CYP2B6: variants seen among roughly 807,000 people sequenced by gnomAD.
The protein encoded by CYP2B6 is cytochrome P450 2B6.
Under a neutral mutation model 43.4 loss-of-function variants are expected in CYP2B6, and 35 were observed. The ratio of observed to expected loss-of-function variants is 0.81; its 90% confidence interval spans 0.62 to 1.07. The LOEUF (loss-of-function observed/expected upper bound fraction) is 1.07, where lower values mean the gene tolerates loss of function less well. Among genes scored for constraint, CYP2B6 ranks in the 50% least tolerant of loss-of-function variants. CYP2B6 has a pLI of 0.00. For missense variants in CYP2B6, 624 were observed against 632.8 expected (o/e 0.99, Z 0.15); for synonymous variants, 239 against 239.2 (o/e 1.00, Z 0.01).
intron 6 of CYP2B6, among the ~76,000 whole-genome samples, chr19:41,010,445 G>T (rs143260622): frequency 2.1e-5 from 3 of 144,734 alleles, no homozygotes; most frequent in Admixed American, 7.0e-5. Flanking sequence ...ACAGAGTCTC[G>T]CTCTGTCACC....
At chr19:41,008,614 C>G (rs1969231751) in intron 4 of CYP2B6, among the ~76,000 whole-genome samples, 1 of 151,304 alleles carries the variant, frequency 6.6e-6, no homozygotes, top group Admixed American at 6.6e-5. Flanking sequence ...CACCGAGAAC[C>G]ACAGAGAAAA....
rs1361526463 is a variant in CYP2B6, at chr19:40,998,903, A to T, written c.172-5098A>T. Among the ~76,000 whole-genome samples, 48 of 117,128 alleles carry T rather than the reference A, an allele frequency of 4.1e-4. 1 individual carries two copies. The East Asian group carries it at 6.8e-3, about 17-fold the overall frequency. 76.8% of individuals were successfully genotyped at this position (117,128 alleles called of 152,430 possible). A position where few individuals can be genotyped will look rare whatever the true frequency, so the allele number is the denominator to read the frequency against. ...TAAACATACATGTGCATGTGTCTTTATAGCAGCATGATTTATAGTCCTTTG... is the reference window on the plus strand; with the variant it reads ...TAAACATACATGTGCATGTGTCTTTTTAGCAGCATGATTTATAGTCCTTTG... On this transcript the variant is annotated intron_variant, in intron 1 of 8. Coordinates refer to ENST00000324071, the MANE Select transcript of CYP2B6 (RefSeq NM_000767.5).
rs375245235 is a variant in CYP2B6 at position 41,009,306 on chromosome 19, A to C, written c.733A>C (p.Ile245Leu). 1.2e-6 allele frequency: 2 copies of C among 1,612,830 alleles called. No individual in the cohort carries two copies. The highest frequency in any genetic ancestry group is 1.7e-6 in the Non-Finnish European group (2 of 1,179,306). ...AAACCTGCAGGAAATCAATGCTTAC[A>C]TTGGCCACAGTGTGGAGAAGCACCG... ...YKNLQEINAY[I>L]GHSVEKHRET... The change falls in exon 5 of 9, where the codon ATT (isoleucine) becomes CTT (leucine). Residue 245 changes from isoleucine to leucine, a missense_variant. Coordinates refer to ENST00000324071, the MANE Select transcript of CYP2B6 (RefSeq NM_000767.5).
At chr19:40,997,796 T>C (rs1019961507) in intron 1 of CYP2B6, among the ~76,000 whole-genome samples, 3 of 151,982 alleles carry the variant, frequency 2.0e-5, no homozygotes, top group Admixed American at 1.3e-4. Context: ...TTTGGGTGGC[T>C]CACGACACCA....
chr19:41,003,460 T>C (rs1969127611), intron 1 of CYP2B6, among the ~76,000 whole-genome samples: 1 of 152,072 alleles, frequency 6.6e-6, no homozygotes, highest in South Asian at 2.1e-4. Context: ...ATTTCTGGAA[T>C]TTTCCATTTA....
chr19:40,997,411 T>C (rs1406118550), intron 1 of CYP2B6, among the ~76,000 whole-genome samples: 2 of 152,160 alleles, frequency 1.3e-5, no homozygotes, highest in Non-Finnish European at 2.9e-5. Context: ...CCCTCCCATG[T>C]TGACCATACT....
At chr19:40,998,535 C>T (rs1157121941) in intron 1 of CYP2B6, among the ~76,000 whole-genome samples, 1 of 147,650 alleles carries the variant, frequency 6.8e-6, no homozygotes, top group Non-Finnish European at 1.5e-5. Flanking sequence ...AACTCGTCAT[C>T]TAGCATTAGG....
chr19:41,005,702 G>C (rs1338040429), intron 3 of CYP2B6, among the ~76,000 whole-genome samples: 3 of 151,938 alleles, frequency 2.0e-5, no homozygotes. Context: ...AATTGATTGA[G>C]CCTGGGAAAT....
intron 1 of CYP2B6, among the ~76,000 whole-genome samples, chr19:41,001,497 T>C (rs970824107): frequency 2.0e-5 from 3 of 152,164 alleles, no homozygotes; most frequent in African/African-American, 4.8e-5. Context: ...CAGAGGGATG[T>C]GGGCTCGTGT....
rs1024500804 is a variant in CYP2B6, at chr19:41,010,003, A to C, written c.832A>C (p.Asn278His). ...YLLHMEKEKS[N>H]AHSEFSHQNL... ...CCTACTGTGGACGCAGGAGAAATCC[A>C]ACGCACACAGTGAATTCAGCCACCA... is the stretch of plus-strand genomic sequence containing the variant. Residue 278 changes from asparagine to histidine, a missense_variant, in exon 6 of 9, where the codon AAC (asparagine) becomes CAC (histidine). Transcript: ENST00000324071. 1 of 1,613,964 alleles carries C rather than the reference A, an allele frequency of 6.2e-7. No homozygotes were observed.
At chr19:40,998,549 A>G (rs1414690309) in intron 1 of CYP2B6, among the ~76,000 whole-genome samples, 4 of 140,616 alleles carry the variant, frequency 2.8e-5, no homozygotes, top group Non-Finnish European at 6.1e-5. Flanking sequence ...CATTAGGTAT[A>G]TCTCCCAATG....
intron 8 of CYP2B6, among the ~76,000 whole-genome samples, chr19:41,013,244 A>G (rs2144677745): frequency 6.6e-6 from 1 of 152,334 alleles, no homozygotes; most frequent in South Asian, 2.1e-4. Flanking sequence ...ATCTCATGAA[A>G]TGAATGAATG....
At position 41,017,852 on chromosome 19, in the gene CYP2B6, T is replaced by C. The variant is rs562106212; in HGVS notation, c.*1025T>C. 1.8e-3 allele frequency: 202 copies of C among 110,826 alleles called. No individual in the cohort carries two copies. The highest frequency in any genetic ancestry group is 7.8e-3 in the African/African-American group (196 of 25,168). 6.9% of individuals were successfully genotyped at this position (110,826 alleles called of 1,614,324 possible). ...TCCCATAAACAGAATCATACAATAT[T>C]TGATTTTTTTTTTTTTTTTGAAACT... is the stretch of plus-strand genomic sequence containing the variant. On this transcript the variant is annotated 3_prime_UTR_variant, in exon 9 of 9. Coordinates refer to ENST00000324071, the MANE Select transcript of CYP2B6 (RefSeq NM_000767.5).
At chr19:41,011,563 A>G (rs538309273) in intron 6 of CYP2B6, among the ~76,000 whole-genome samples, 203 of 152,306 alleles carry the variant, frequency 1.3e-3, no homozygotes, top group African/African-American at 4.7e-3. Context: ...GTTGTTCATG[A>G]ATTCATCTAT....
At chr19:41,009,547 T>TGAGGAAGGAAAGAAAGATGAGGTGA in intron 5 of CYP2B6, 152 bp downstream of exon 5, 2 of 826,502 alleles carry the variant, frequency 2.4e-6, no homozygotes, top group Non-Finnish European at 3.8e-6. Flanking sequence ...GGAGAGAACA[T>TGAGGAAGGAAAGAAAGATGAGGTGA]GAGGAAGGAA....
At position 41,012,360 on chromosome 19, in the gene CYP2B6, C is replaced by T. The variant is rs201134384; in HGVS notation, c.1027C>T (p.Arg343Ter). ...ACATCGCCCTCCAGAGCTTCATGAC[C>T]GAGCCAAAATGCCATACACAGAGGC... Reference protein sequence around the residue: ...GPHRPPELHDRAKMPYTEAVI... With the variant: ...GPHRPPELHD The change falls in exon 7 of 9, where the codon CGA becomes TGA. Residue 343 changes from arginine (R) to a stop codon, truncating the protein, a stop_gained. Coordinates refer to ENST00000324071, the MANE Select transcript of CYP2B6 (RefSeq NM_000767.5). LOFTEE classifies it high-confidence loss of function. 2.0e-4 allele frequency: 315 copies of T among 1,613,958 alleles called. No homozygotes were observed. The highest frequency in any genetic ancestry group is 2.3e-4 in the Admixed American group (14 of 60,000).
intron 1 of CYP2B6, among the ~76,000 whole-genome samples, chr19:40,998,567 TC>T (rs997905816): frequency 9.4e-6 from 1 of 106,472 alleles, no homozygotes; most frequent in Non-Finnish European, 1.9e-5. Flanking sequence ...ATGCTATCCC[TC>T]CCCCCTCCCC....
chr19:40,993,002 G>A (rs1968944670), intron 1 of CYP2B6, among the ~76,000 whole-genome samples: 1 of 152,148 alleles, frequency 6.6e-6, no homozygotes, highest in Non-Finnish European at 1.5e-5. Flanking sequence ...TTTAACTTGA[G>A]TGTGTCCATG....
chr19:41,015,628 A>G (rs547642185), intron 8 of CYP2B6, among the ~76,000 whole-genome samples: 3 of 152,272 alleles, frequency 2.0e-5, no homozygotes, highest in South Asian at 2.1e-4. Context: ...TCTGAGAATC[A>G]GTGGAAGCCA....
Sources: allele counts gnomAD v4.1 joint callset (sites outside exome capture counted in the v4.1 genomes callset), GRCh38; gene constraint gnomAD v4.1.1; transcripts MANE v1.5; gene names NCBI Gene and HGNC (gene_info 2026-07-23, HGNC 2026-07-21).